Variants in PACRG observed in about 807,000 individuals in gnomAD.
PACRG encodes the protein parkin coregulated gene protein.
In PACRG, 29 loss-of-function variants were observed where a neutral mutation model predicts 29.7. The observed-to-expected ratio is 0.98, with a 90% CI of 0.73 to 1.33. The LOEUF (loss-of-function observed/expected upper bound fraction) is 1.33. Among genes scored for constraint, PACRG ranks in the 40% most tolerant of loss-of-function variants. The pLI is 0.00. For synonymous variants in PACRG, 116 were observed against 118.7 expected (o/e 0.98, Z 0.15); for missense variants, 279 against 316.2 (o/e 0.88, Z 0.89).
chr6:163,079,333 T>C (rs1056944451), intron 3 of PACRG, among the ~76,000 whole-genome samples: 1 of 151,430 alleles, frequency 6.6e-6, no homozygotes, highest in Non-Finnish European at 1.5e-5. Flanking sequence ...ATACATGAGG[T>C]ATCCCACTCA....
intron 2 of PACRG, among the ~76,000 whole-genome samples, chr6:162,973,025 C>T (rs1398731730): frequency 6.6e-6 from 1 of 152,182 alleles, no homozygotes; most frequent in African/African-American, 2.4e-5. Flanking sequence ...CAAGAGTTCT[C>T]TATCATGGAG....
intron 4 of PACRG, among the ~76,000 whole-genome samples, chr6:163,240,269 C>T (rs1782447928): frequency 6.7e-6 from 1 of 149,656 alleles, no homozygotes; most frequent in Admixed American, 6.7e-5. Flanking sequence ...GTGCAAGGGA[C>T]GATTGGGGGG....
intron 3 of PACRG, among the ~76,000 whole-genome samples, chr6:163,070,703 CAAT>C (rs1811959066): frequency 6.6e-6 from 1 of 150,804 alleles, no homozygotes; most frequent in South Asian, 2.1e-4. Context: ...GAGTCTTTAT[CAAT>C]AATAACATTG....
chr6:163,220,550 A>G (rs543040096), intron 4 of PACRG, among the ~76,000 whole-genome samples: 5 of 152,378 alleles, frequency 3.3e-5, no homozygotes, highest in African/African-American at 9.6e-5. Flanking sequence ...ACAGAATGCC[A>G]TAGAGTTTCC....
chr6:163,220,240 G>A (rs1239015422), intron 4 of PACRG, among the ~76,000 whole-genome samples: 1 of 152,158 alleles, frequency 6.6e-6, no homozygotes, highest in East Asian at 1.9e-4. Flanking sequence ...AGGAAAGGGT[G>A]TGCTCCATCT....
chr6:163,260,634 T>A (rs1783287921), intron 4 of PACRG, among the ~76,000 whole-genome samples: 1 of 152,196 alleles, frequency 6.6e-6, no homozygotes, highest in Non-Finnish European at 1.5e-5. Context: ...TGGTCTTCCC[T>A]GGGTAGAGAC....
intron 2 of PACRG, among the ~76,000 whole-genome samples, chr6:163,007,022 T>A (rs946549672): frequency 6.6e-6 from 1 of 152,106 alleles, no homozygotes; most frequent in Admixed American, 6.5e-5. Context: ...TAAAATCTTC[T>A]GTTGGGTTAA....
intron 4 of PACRG, among the ~76,000 whole-genome samples, chr6:163,169,611 G>C (rs2128346139): frequency 6.6e-6 from 1 of 152,358 alleles, no homozygotes; most frequent in Admixed American, 6.5e-5. Flanking sequence ...TGTAGAGCAG[G>C]AATTCTCATG....
intron 4 of PACRG, among the ~76,000 whole-genome samples, chr6:163,110,987 C>G (rs914971424): frequency 6.6e-6 from 1 of 152,252 alleles, no homozygotes; most frequent in Non-Finnish European, 1.5e-5. Context: ...ATATGCTCTT[C>G]CCTCTTCCTG....
At chr6:162,995,047 C>T (rs1033370302) in intron 2 of PACRG, among the ~76,000 whole-genome samples, 2 of 151,454 alleles carry the variant, frequency 1.3e-5, no homozygotes, top group South Asian at 4.2e-4. Flanking sequence ...CCCAGTTAGG[C>T]TGCTCAGGGG....
chr6:163,009,700 T>G (rs1805440786), intron 2 of PACRG, among the ~76,000 whole-genome samples: 1 of 152,200 alleles, frequency 6.6e-6, no homozygotes, highest in Non-Finnish European at 1.5e-5. Flanking sequence ...AGGTGTGTAG[T>G]GGCATATTCT....
At chr6:163,185,586 A>G (rs1779880550) in intron 4 of PACRG, among the ~76,000 whole-genome samples, 1 of 152,218 alleles carries the variant, frequency 6.6e-6, no homozygotes, top group Non-Finnish European at 1.5e-5. Context: ...CCCACAATAT[A>G]AATGGTGGCC....
intron 2 of PACRG, among the ~76,000 whole-genome samples, chr6:162,816,179 G>A (rs1787323313): frequency 6.6e-6 from 1 of 152,018 alleles, no homozygotes; most frequent in Non-Finnish European, 1.5e-5. Context: ...GATTCAGCAA[G>A]CTAAAAAGTA....
At chr6:162,844,396 G>T (rs537551776) in intron 2 of PACRG, among the ~76,000 whole-genome samples, 13 of 152,362 alleles carry the variant, frequency 8.5e-5, no homozygotes, top group African/African-American at 3.1e-4. Context: ...GACTCCGAAG[G>T]GGAACTCCCT....
At chr6:163,291,853 C>G (rs1279788527) in intron 4 of PACRG, among the ~76,000 whole-genome samples, 1 of 151,780 alleles carries the variant, frequency 6.6e-6, no homozygotes, top group Non-Finnish European at 1.5e-5. Context: ...TGACTCTTGT[C>G]TGGGGGTAAC....
At chr6:163,125,035 A>G (rs915998696) in intron 4 of PACRG, among the ~76,000 whole-genome samples, 2 of 152,260 alleles carry the variant, frequency 1.3e-5, no homozygotes, top group African/African-American at 4.8e-5. Context: ...AAAGCAATGC[A>G]ATTGTGCAAC....
intron 1 of PACRG, among the ~76,000 whole-genome samples, chr6:162,741,415 G>A (rs1780585890): frequency 6.6e-6 from 1 of 152,094 alleles, no homozygotes; most frequent in African/African-American, 2.4e-5. Context: ...CACCATTTTG[G>A]CTCTTGGTGA....
chr6:162,829,112 TTCTC>T (rs1211667366), intron 2 of PACRG, among the ~76,000 whole-genome samples: 2 of 152,208 alleles, frequency 1.3e-5, no homozygotes, highest in Admixed American at 6.5e-5. Flanking sequence ...TGTGTCCCCT[TTCTC>T]TCTTCTTTTG....
intron 3 of PACRG, among the ~76,000 whole-genome samples, chr6:163,077,577 G>C (rs1812663236): frequency 6.6e-6 from 1 of 152,024 alleles, no homozygotes; most frequent in South Asian, 2.1e-4. Context: ...TAAGAAAGAA[G>C]CAAGTACAAT....
Sources: allele counts gnomAD v4.1 joint callset (sites outside exome capture counted in the v4.1 genomes callset), GRCh38; gene constraint gnomAD v4.1.1; transcripts MANE v1.5; gene names NCBI Gene and HGNC (gene_info 2026-07-23, HGNC 2026-07-21).